FBP1: variants seen among roughly 807,000 people sequenced by gnomAD.
FBP1 encodes the protein fructose-bisphosphatase 1, also known as fructose-1,6-bisphosphatase 1.
A neutral mutation model predicts 29.9 loss-of-function variants in FBP1; 22 were observed. The ratio of observed to expected loss-of-function variants is 0.74; its 90% confidence interval spans 0.53 to 1.05. The LOEUF is 1.05. Ranked by LOEUF, FBP1 falls within the 50% of genes least tolerant of loss-of-function variation. The pLI, the probability that FBP1 is intolerant of heterozygous loss-of-function variation, is 0.00. For synonymous variants in FBP1, 175 were observed against 178.6 expected (o/e 0.98, Z 0.16); for missense variants, 345 against 448.2 (o/e 0.77, Z 2.08).
chr9:94,625,169 A>T (rs1828004251), intron 1 of FBP1, among the ~76,000 whole-genome samples: 1 of 114,290 alleles, frequency 8.7e-6, no homozygotes, highest in African/African-American at 2.6e-5. Context: ...CAGACCTACG[A>T]GAGGTTACAG....
At chr9:94,634,259 A>C (rs147884288) in intron 1 of FBP1, among the ~76,000 whole-genome samples, 7,957 of 150,126 alleles carry the variant, frequency 0.053, 733 homozygotes, top group African/African-American at 0.18. Context: ...GCCCCACTGC[A>C]CTCCAGCAAG....
chr9:94,635,870 T>C (rs1174973869), intron 1 of FBP1, among the ~76,000 whole-genome samples: 1 of 152,212 alleles, frequency 6.6e-6, no homozygotes, highest in African/African-American at 2.4e-5. Flanking sequence ...AGGAGGTAGA[T>C]GTAGATGTCC....
At chr9:94,609,817 G>T in intron 4 of FBP1, 104 bp downstream of exon 4, 1 of 1,273,086 alleles carries the variant, frequency 7.9e-7, no homozygotes, top group Non-Finnish European at 1.1e-6. Context: ...TCCCTCCATG[G>T]GCATCACCTC....
At position 94,603,494 on chromosome 9, in the gene FBP1, C is replaced by A; in HGVS notation, c.904G>T (p.Ala302Ser). ...TCTGTGGGAATGACGTCTAACACGG[C>A]CTCCTTCCCAGTGGTGGCCATTCCC... is the stretch of plus-strand genomic sequence containing the variant. ...AGGMATTGKE[A>S]VLDVIPTDIH... Residue 302 changes from alanine (A) to serine (S), a missense_variant, in exon 7 of 7, where the codon GCC becomes TCC. Coordinates refer to ENST00000375326, the MANE Select transcript of FBP1 (RefSeq NM_000507.4). The A allele has an allele frequency of 6.2e-7, 1 of 1,614,110 alleles. No individual in the cohort carries two copies. The highest frequency in any genetic ancestry group is 1.1e-5 in the South Asian group (1 of 91,074).
rs1195653074 is a variant in FBP1 at position 94,620,382 on chromosome 9, C to T, written c.280G>A (p.Val94Ile). 1.9e-6 allele frequency: 3 copies of T among 1,614,110 alleles called. No homozygotes were observed. In the African/African-American group the frequency reaches 4.0e-5, roughly 22 times the overall value. Residue 94 changes from valine to isoleucine, a missense_variant, in exon 2 of 7, where the codon GTT (valine) becomes ATT (isoleucine). Physicochemically the swap from Val to Ile is conservative, Grantham distance 29. Coordinates refer to ENST00000375326, the MANE Select transcript of FBP1 (RefSeq NM_000507.4). ...NMLKSSFATCVLVSEEDKHAI... is the reference protein window; with the variant it reads ...NMLKSSFATCILVSEEDKHAI... ...TGTTTATCTTCTTCTGACACGAGAA[C>T]ACACGTGGCAAAGGATGACTTTAAC...
Position 94,608,480 on chromosome 9 carries a change from A to G in FBP1, c.567+1441T>C, listed in dbSNP as rs574972240. On this transcript the variant is annotated intron_variant, in intron 4 of 6. Coordinates refer to ENST00000375326, the MANE Select transcript of FBP1 (RefSeq NM_000507.4). ...TGCTTCCACCAACTCAAAGGTAACA[A>G]GAGAAGGCACCAGAAGAATGGGAAG... Among the ~76,000 whole-genome samples, 13 of 152,336 alleles carry G rather than the reference A, an allele frequency of 8.5e-5. 1 individual carries two copies. Among genetic ancestry groups the G allele is most frequent in the African/African-American group, 2.9e-4 (12 of 41,564 alleles).
At chr9:94,605,964 C>G (rs1827693382) in intron 5 of FBP1, among the ~76,000 whole-genome samples, 1 of 152,066 alleles carries the variant, frequency 6.6e-6, no homozygotes, top group African/African-American at 2.4e-5. Context: ...GAGGAAACTG[C>G]ACAAGTGTCT....
At position 94,639,336 on chromosome 9, in the gene FBP1, T is replaced by TGCAGGTGCAAGCG. The variant is rs1479569931; in HGVS notation, c.-39_-27dup. On this transcript the variant is annotated 5_prime_UTR_variant, in exon 1 of 7. Coordinates refer to ENST00000375326, the MANE Select transcript of FBP1 (RefSeq NM_000507.4). ...GCTTGAACCGGGTAGAGCGCGGGGCTGCAGGTGCAAGCGGCAGGTGCGGGG... is the reference window on the plus strand; with the variant it reads ...GCTTGAACCGGGTAGAGCGCGGGGCTGCAGGTGCAAGCGGCAGGTGCAAGCGGCAGGTGCGGGG... The TGCAGGTGCAAGCG allele has an allele frequency of 7.5e-6, 12 of 1,597,106 alleles. No individual in the cohort carries two copies. Among genetic ancestry groups the TGCAGGTGCAAGCG allele is most frequent in the Non-Finnish European group, 1.0e-5 (12 of 1,172,132 alleles).
intron 5 of FBP1, 58 bp from the exon 6 acceptor site, chr9:94,605,634 T>C: frequency 6.4e-7 from 1 of 1,568,700 alleles, no homozygotes; most frequent in South Asian, 1.1e-5. Flanking sequence ...AGAGTTTTCT[T>C]GGTGTCTCCT....
intron 3 of FBP1, 63 bp from the exon 4 acceptor site, chr9:94,610,124 AAC>A (rs760350239): frequency 1.6e-5 from 25 of 1,536,904 alleles, no homozygotes; most frequent in Non-Finnish European, 2.2e-5. Context: ...TTTACAGTTC[AAC>A]CATTAACAGG....
Position 94,605,450 on chromosome 9 carries a change from C to A in FBP1, c.825+7G>T, listed in dbSNP as rs774638100. 1.7e-5 allele frequency: 28 copies of A among 1,613,144 alleles called. No individual in the cohort carries two copies. Among genetic ancestry groups the A allele is most frequent in the Non-Finnish European group, 2.3e-5 (27 of 1,179,824 alleles). ...CTCCTCACTCCCTCTCCAGGGGACACCCTTACCTTTCCATTGGGGCTCTTC... is the reference window on the plus strand; with the variant it reads ...CTCCTCACTCCCTCTCCAGGGGACAACCTTACCTTTCCATTGGGGCTCTTC... On this transcript the variant is annotated splice_region_variant and intron_variant, in intron 6 of 6. Coordinates refer to ENST00000375326, the MANE Select transcript of FBP1 (RefSeq NM_000507.4).
rs201591116 is a variant in FBP1, at chr9:94,620,425, G to T, written c.237C>A (p.Asn79Lys). ...DQVKKLDVLS[N>K]DLVMNMLKSS... ...ACTTTAACATGTTCATAACCAGGTC[G>T]TTGGAGAGGACGTCCAGCTTCTTAA... The change falls in exon 2 of 7, where the codon AAC (asparagine) becomes AAA (lysine). Residue 79 changes from asparagine (N) to lysine (K), a missense_variant. By Grantham distance (94) the Asn-to-Lys change is moderately conservative. Transcript: ENST00000375326. 1.1e-5 allele frequency: 18 copies of T among 1,614,042 alleles called. No individual in the cohort carries two copies. The Admixed American group carries it at 2.7e-4, about 24-fold the overall frequency.
chr9:94,639,642 A>C, upstream of FBP1: 1 of 450,976 alleles, frequency 2.2e-6, no homozygotes, highest in Non-Finnish European at 4.1e-6. Flanking sequence ...TTGGATCTTC[A>C]GACAAGGTCG....
intron 5 of FBP1, 69 bp from the exon 6 acceptor site, chr9:94,605,645 A>C: frequency 6.6e-7 from 1 of 1,521,118 alleles, no homozygotes. Context: ...GGTGTCTCCT[A>C]AGTTTCTTTG....
At chr9:94,627,584 T>C (rs1828044548) in intron 1 of FBP1, among the ~76,000 whole-genome samples, 1 of 152,174 alleles carries the variant, frequency 6.6e-6, no homozygotes, top group Non-Finnish European at 1.5e-5. Flanking sequence ...TCTGAAGTTC[T>C]AGGAAGACTC....
intron 1 of FBP1, among the ~76,000 whole-genome samples, chr9:94,638,573 C>T (rs918122824): frequency 7.9e-5 from 12 of 151,654 alleles, no homozygotes; most frequent in African/African-American, 2.9e-4. Flanking sequence ...TGCACACAAG[C>T]CCTGCTGCTC....
chr9:94,604,118 C>T (rs1754436), intron 6 of FBP1: 142,935 of 163,710 alleles, frequency 0.87, 62,634 homozygotes, highest in East Asian at 0.95. Flanking sequence ...TGGCATTCAC[C>T]TTTAAATATT....
At chr9:94,614,303 G>A (rs1419239124) in intron 3 of FBP1, among the ~76,000 whole-genome samples, 1 of 151,556 alleles carries the variant, frequency 6.6e-6, no homozygotes, top group Non-Finnish European at 1.5e-5. Flanking sequence ...CACTTTGGGA[G>A]GCCGAGGTGG....
At chr9:94,628,477 G>A (rs372917174) in intron 1 of FBP1, among the ~76,000 whole-genome samples, 16 of 152,120 alleles carry the variant, frequency 1.1e-4, no homozygotes, top group African/African-American at 3.9e-4. Context: ...AAATGTCAGA[G>A]CATAAGGAGC....
Sources: gnomAD v4.1 joint callset for allele counts (sites outside exome capture counted in the v4.1 genomes callset) on GRCh38, gnomAD v4.1.1 for gene constraint, MANE v1.5 for transcripts, NCBI Gene and HGNC (gene_info 2026-07-23, HGNC 2026-07-21) for gene names.